The following SCHIP1 variants were observed in gnomAD, a reference collection of about 807,000 sequenced individuals.
SCHIP1 encodes the protein schwannomin interacting protein 1.
Under a neutral mutation model 29.7 loss-of-function variants are expected in SCHIP1, and 8 were observed. The observed-to-expected ratio is 0.27, with a 90% CI of 0.16 to 0.49. The LOEUF (loss-of-function observed/expected upper bound fraction) is 0.49. Among genes scored for constraint, SCHIP1 ranks in the 20% least tolerant of loss-of-function variants. The pLI is 0.99. For synonymous variants in SCHIP1, 76 were observed against 94.9 expected (o/e 0.80, Z 1.16); for missense variants, 193 against 294.6 (o/e 0.66, Z 2.52).
the SCHIP1 span, among the ~76,000 whole-genome samples, chr3:159,390,674 G>C: frequency 6.6e-6 from 1 of 151,786 alleles, no homozygotes; most frequent in Non-Finnish European, 1.5e-5. Context: ...CTTTACCAAG[G>C]TAAAATGCAT....
At chr3:159,469,758 A>T in the SCHIP1 span, among the ~76,000 whole-genome samples, 2 of 152,228 alleles carry the variant, frequency 1.3e-5, no homozygotes, top group Non-Finnish European at 2.9e-5. Flanking sequence ...AGAACTAGTG[A>T]TTGTTACTTT....
At chr3:159,846,587 G>A (rs1711871125) in intron 1 of SCHIP1, among the ~76,000 whole-genome samples, 1 of 152,092 alleles carries the variant, frequency 6.6e-6, no homozygotes, top group African/African-American at 2.4e-5. Context: ...TTCCACAGCA[G>A]GGAAAAAGAT....
the SCHIP1 span, among the ~76,000 whole-genome samples, chr3:159,564,448 C>T: frequency 3.3e-5 from 5 of 152,032 alleles, no homozygotes; most frequent in Admixed American, 2.0e-4. Flanking sequence ...ACAATCTCAG[C>T]TCACTGCAAC....
the SCHIP1 span, among the ~76,000 whole-genome samples, chr3:159,616,082 T>C: frequency 0.011 from 1,650 of 149,358 alleles, 12 homozygotes; most frequent in Non-Finnish European, 0.018. Context: ...GGGGGACAAG[T>C]CCTCTCAGAG....
chr3:159,775,354 T>C, the SCHIP1 span, among the ~76,000 whole-genome samples: 1 of 152,182 alleles, frequency 6.6e-6, no homozygotes, highest in Non-Finnish European at 1.5e-5. Flanking sequence ...TTCAGGATGC[T>C]TGGGAAAGGG....
chr3:159,582,781 T>TACACACACAC, the SCHIP1 span, among the ~76,000 whole-genome samples: 20 of 88,442 alleles, frequency 2.3e-4, no homozygotes, highest in African/African-American at 6.2e-4. Flanking sequence ...AACTGAAATA[T>TACACACACAC]ATATATACAC....
chr3:159,455,641 G>A, the SCHIP1 span, among the ~76,000 whole-genome samples: 1 of 152,210 alleles, frequency 6.6e-6, no homozygotes, highest in Admixed American at 6.5e-5. Context: ...TATGTAACTT[G>A]TCAAGCTGAC....
rs566940351 is a variant in SCHIP1, at chr3:159,843,001, C to CTTTTTTTT, written c.30+2808_30+2815dup. Among the ~76,000 whole-genome samples the CTTTTTTTT allele has an allele frequency of 1.6e-3, 104 of 63,718 alleles. 11 individuals carry two copies. The highest frequency in any genetic ancestry group is 2.4e-3 in the African/African-American group (50 of 21,202). The allele number at this position is 63,718 out of a possible 152,430, so 41.8% of individuals were successfully genotyped here. A position where few individuals can be genotyped will look rare whatever the true frequency, so the allele number is the denominator to read the frequency against. On this transcript the variant is annotated intron_variant, in intron 1 of 6. Transcript: ENST00000445224. ...TCCAGTTCTATCCCAATATTTCTTT[C>CTTTTTTTT]TTTTTTTTTTTTTTTTTTTTTTTTT...
chr3:159,794,877 C>G, the SCHIP1 span, among the ~76,000 whole-genome samples: 1 of 152,156 alleles, frequency 6.6e-6, no homozygotes, highest in African/African-American at 2.4e-5. Flanking sequence ...GTTTCCAACT[C>G]TAGCTACTTG....
chr3:159,826,623 C>T, the SCHIP1 span, among the ~76,000 whole-genome samples: 1 of 152,146 alleles, frequency 6.6e-6, no homozygotes, highest in African/African-American at 2.4e-5. Context: ...AACAAACCAA[C>T]CCTAAAGTCC....
At chr3:159,536,806 A>G in the SCHIP1 span, among the ~76,000 whole-genome samples, 1 of 152,262 alleles carries the variant, frequency 6.6e-6, no homozygotes, top group South Asian at 2.1e-4. Context: ...TTATATAAAT[A>G]CACAGCTAAG....
chr3:159,740,356 GGTT>G, the SCHIP1 span, among the ~76,000 whole-genome samples: 6 of 152,176 alleles, frequency 3.9e-5, no homozygotes, highest in Non-Finnish European at 8.8e-5. Flanking sequence ...TTCCCCAAAA[GGTT>G]GTTGTGTCCT....
At chr3:159,708,073 A>T in the SCHIP1 span, among the ~76,000 whole-genome samples, 3 of 152,130 alleles carry the variant, frequency 2.0e-5, no homozygotes, top group Non-Finnish European at 4.4e-5. Context: ...GTCTTTGATG[A>T]CCTAGGCTAG....
the SCHIP1 span, among the ~76,000 whole-genome samples, chr3:159,829,679 C>T: frequency 6.6e-6 from 1 of 152,174 alleles, no homozygotes; most frequent in Admixed American, 6.5e-5. Context: ...TGTCATTGAC[C>T]ATGAAGGTGG....
chr3:159,492,715 G>A, the SCHIP1 span, among the ~76,000 whole-genome samples: 5 of 152,266 alleles, frequency 3.3e-5, no homozygotes, highest in South Asian at 8.3e-4. Flanking sequence ...AACCTAGCAA[G>A]GCAGGCCAAC....
At chr3:159,740,295 T>C in the SCHIP1 span, among the ~76,000 whole-genome samples, 1 of 152,224 alleles carries the variant, frequency 6.6e-6, no homozygotes, top group African/African-American at 2.4e-5. Context: ...ATACCCACAC[T>C]GGTGAATGGT....
rs1714059836 is a variant in SCHIP1 at position 159,861,523 on chromosome 3, T to C, written c.31-4640T>C. Among the ~76,000 whole-genome samples, 1 of 152,204 alleles carries C rather than the reference T, an allele frequency of 6.6e-6. No individual in the cohort carries two copies. The highest frequency in any genetic ancestry group is 1.5e-5 in the Non-Finnish European group (1 of 68,036). On this transcript the variant is annotated intron_variant, in intron 1 of 6. Coordinates refer to ENST00000445224, the Ensembl canonical transcript of SCHIP1. This position sits in a 1 kb window ranked among gnomAD's most constrained non-coding sequence, Gnocchi z 4.1. The stretch of plus-strand genomic sequence containing the variant: ...GATCATGGTGGCTTGCATGGCATCA[T>C]TGAAAGTCATTGTGAGCCTCATCTG...
chr3:159,440,575 C>G, the SCHIP1 span, among the ~76,000 whole-genome samples: 2 of 152,130 alleles, frequency 1.3e-5, no homozygotes, highest in Non-Finnish European at 2.9e-5. Flanking sequence ...GGGGTTCACT[C>G]TCTTTTGCCA....
At chr3:159,683,254 G>A in the SCHIP1 span, among the ~76,000 whole-genome samples, 2 of 151,936 alleles carry the variant, frequency 1.3e-5, no homozygotes, top group Non-Finnish European at 2.9e-5. Context: ...GTTTCACCAT[G>A]TTGGCCAGGC....
Sources: allele counts gnomAD v4.1 joint callset (sites outside exome capture counted in the v4.1 genomes callset), GRCh38; gene constraint gnomAD v4.1.1; non-coding constraint Gnocchi (gnomAD v3.1); transcripts MANE v1.5; gene names NCBI Gene and HGNC (gene_info 2026-07-23, HGNC 2026-07-21).